Variants in CLVS1 observed in about 807,000 individuals in gnomAD.
CLVS1 encodes clavesin 1.
A neutral mutation model predicts 33.1 loss-of-function variants in CLVS1; 10 were observed. The ratio of observed to expected loss-of-function variants is 0.30; its 90% CI spans 0.19 to 0.51. The LOEUF (loss-of-function observed/expected upper bound fraction) is 0.51. CLVS1 is among the 20% of genes least tolerant of loss of function. CLVS1 has a pLI of 0.97. For missense variants in CLVS1, 343 were observed against 433.4 expected (o/e 0.79, Z 1.85); for synonymous variants, 163 against 166.1 (o/e 0.98, Z 0.14).
At chr8:61,030,985 G>GTGTTGT in the CLVS1 span, among the ~76,000 whole-genome samples, 1 of 152,182 alleles carries the variant, frequency 6.6e-6, no homozygotes, top group Non-Finnish European at 1.5e-5. Flanking sequence ...TTTCAGTGCA[G>GTGTTGT]TGTTGTTGTG....
chr8:61,228,819 T>C (rs922360324), intron 2 of CLVS1, among the ~76,000 whole-genome samples: 5 of 152,246 alleles, frequency 3.3e-5, no homozygotes, highest in Non-Finnish European at 2.9e-5. Context: ...TGAGTCCTTC[T>C]CTTGGCTATT....
chr8:61,110,172 C>T (rs1032624565), intron 1 of CLVS1, among the ~76,000 whole-genome samples: 4 of 152,164 alleles, frequency 2.6e-5, no homozygotes, highest in Non-Finnish European at 4.4e-5. Flanking sequence ...CTCCCACCAC[C>T]AGTGGGGTCG....
the CLVS1 span, among the ~76,000 whole-genome samples, chr8:61,019,800 C>T: frequency 6.6e-6 from 1 of 151,968 alleles, no homozygotes; most frequent in African/African-American, 2.4e-5. Flanking sequence ...GCAATTGTAC[C>T]TTCCAAGCAG....
Position 61,077,155 on chromosome 8 carries a change from G to A in CLVS1, c.-243+19925G>A, listed in dbSNP as rs925622546. Among the ~76,000 whole-genome samples, 65 of 146,992 alleles carry A rather than the reference G, an allele frequency of 4.4e-4. No individual in the cohort carries two copies. The East Asian group carries it at 5.5e-3, about 12-fold the overall frequency. ...GTGGCGCGATCTCGGCTCACTGCAA[G>A]CTCCGCCTCCAGAGTTCACGCCATT... On this transcript the variant is annotated intron_variant, in intron 1 of 2. Transcript: ENST00000522621.
intron 3 of CLVS1, among the ~76,000 whole-genome samples, chr8:61,418,538 C>T (rs999397993): frequency 1.2e-4 from 19 of 152,176 alleles, no homozygotes; most frequent in Non-Finnish European, 5.9e-5. Flanking sequence ...ACCCTTTCTC[C>T]ATACTCATAC....
At chr8:60,982,039 G>A in the CLVS1 span, among the ~76,000 whole-genome samples, 1 of 152,140 alleles carries the variant, frequency 6.6e-6, no homozygotes, top group Admixed American at 6.5e-5. Context: ...TGAGTTTCTG[G>A]CAAACTCCGC....
intron 2 of CLVS1, among the ~76,000 whole-genome samples, chr8:61,302,622 T>C (rs1810477701): frequency 6.6e-6 from 1 of 152,226 alleles, no homozygotes; most frequent in Non-Finnish European, 1.5e-5. Context: ...AGGCAACAGC[T>C]GTCCTCCCAA....
chr8:61,492,546 A>G (rs1804130343), intron 5 of CLVS1, among the ~76,000 whole-genome samples: 1 of 152,106 alleles, frequency 6.6e-6, no homozygotes, highest in African/African-American at 2.4e-5. Flanking sequence ...CTTCTTTGTT[A>G]CAAGATGGGC....
chr8:61,108,461 A>G (rs904979653), intron 1 of CLVS1, among the ~76,000 whole-genome samples: 6 of 152,120 alleles, frequency 3.9e-5, no homozygotes, highest in African/African-American at 1.4e-4. Context: ...GTTTTAATCT[A>G]TTCCAATCTC....
the CLVS1 span, among the ~76,000 whole-genome samples, chr8:60,984,442 T>G: frequency 6.6e-6 from 1 of 151,726 alleles, no homozygotes; most frequent in East Asian, 1.9e-4. Context: ...AGCCTCAGCC[T>G]CCTGAGTAGC....
At chr8:61,010,941 G>T in the CLVS1 span, among the ~76,000 whole-genome samples, 1 of 152,214 alleles carries the variant, frequency 6.6e-6, no homozygotes, top group Non-Finnish European at 1.5e-5. Flanking sequence ...TTCATGCAGG[G>T]CCCGGCACAC....
intron 2 of CLVS1, among the ~76,000 whole-genome samples, chr8:61,317,781 C>T (rs1043358297): frequency 6.6e-6 from 1 of 152,078 alleles, no homozygotes; most frequent in South Asian, 2.1e-4. Context: ...GTTCTCATCC[C>T]GAATAAAAAT....
chr8:61,343,869 A>G (rs955527904), intron 2 of CLVS1, among the ~76,000 whole-genome samples: 7 of 152,222 alleles, frequency 4.6e-5, no homozygotes, highest in Non-Finnish European at 1.0e-4. Flanking sequence ...TTCTGCTGTC[A>G]TCATCCTTAA....
At chr8:61,049,333 C>A in the CLVS1 span, among the ~76,000 whole-genome samples, 2 of 152,132 alleles carry the variant, frequency 1.3e-5, no homozygotes, top group African/African-American at 2.4e-5. Flanking sequence ...CAAGTCTGAC[C>A]AAATCATTTT....
chr8:61,374,283 C>T (rs1322559611), intron 2 of CLVS1, among the ~76,000 whole-genome samples: 1 of 152,138 alleles, frequency 6.6e-6, no homozygotes. Flanking sequence ...CCTTGATCCT[C>T]TCCCCTTTTA....
chr8:61,421,702 A>AATCAATTT (rs1301451873), intron 3 of CLVS1, among the ~76,000 whole-genome samples: 5 of 152,348 alleles, frequency 3.3e-5, no homozygotes, highest in Admixed American at 1.3e-4. Flanking sequence ...TATAGGACCA[A>AATCAATTT]CTTCACAGCC....
chr8:60,986,026 A>G, the CLVS1 span, among the ~76,000 whole-genome samples: 2 of 152,200 alleles, frequency 1.3e-5, no homozygotes, highest in South Asian at 2.1e-4. Flanking sequence ...TATGGAACAC[A>G]TTCATCTCAG....
intron 3 of CLVS1, among the ~76,000 whole-genome samples, chr8:61,430,440 A>G (rs1422755762): frequency 6.6e-6 from 1 of 152,212 alleles, no homozygotes; most frequent in African/African-American, 2.4e-5. Flanking sequence ...GGAGGGGGAA[A>G]TAAAATTCCC....
chr8:61,239,190 C>G (rs1808637487), intron 2 of CLVS1, among the ~76,000 whole-genome samples: 1 of 151,818 alleles, frequency 6.6e-6, no homozygotes, highest in Non-Finnish European at 1.5e-5. Flanking sequence ...TTGTTTAATC[C>G]CCTCTGTAAT....
Sources: allele counts gnomAD v4.1 joint callset (sites outside exome capture counted in the v4.1 genomes callset), GRCh38; gene constraint gnomAD v4.1.1; transcripts MANE v1.5; gene names NCBI Gene and HGNC (gene_info 2026-07-23, HGNC 2026-07-21).